The following SLC2A2 variants were observed in gnomAD, a reference collection of about 807,000 sequenced individuals.
SLC2A2 encodes solute carrier family 2 member 2.
SLC2A2 carries 36 observed loss-of-function variants against 54.5 expected under a neutral mutation model. That is an observed-to-expected ratio of 0.66 (90% CI 0.51 to 0.87). The LOEUF (loss-of-function observed/expected upper bound fraction) is 0.87. SLC2A2 is among the 40% of genes least tolerant of loss of function. SLC2A2 has a pLI of 0.00. For synonymous variants in SLC2A2, 223 were observed against 219.1 expected (o/e 1.02, Z -0.16); for missense variants, 543 against 624.3 (o/e 0.87, Z 1.39).
At chr3:171,026,510 A>C (rs936509179) in intron 1 of SLC2A2, 146 bp downstream of exon 1, 2 of 755,618 alleles carry the variant, frequency 2.6e-6, no homozygotes, top group African/African-American at 3.4e-5. Flanking sequence ...AATAAGAAAC[A>C]GTTCTTCAAT....
rs373320655 is a variant in SLC2A2, at chr3:171,022,223, G to A, written c.16-3600C>T. Among the ~76,000 whole-genome samples, 219 of 152,226 alleles carry A rather than the reference G, an allele frequency of 1.4e-3. 1 individual carries two copies. The highest frequency in any genetic ancestry group is 5.2e-3 in the African/African-American group (215 of 41,538). ...ACAATGACTTGGTTCCAGATCTTAC[G>A]CTTTTAACTTCTTGGTTATTTTGCA... On this transcript the variant is annotated intron_variant, in intron 1 of 10. Transcript: ENST00000314251.
At chr3:171,001,959 G>A (rs1246829117) in intron 8 of SLC2A2, among the ~76,000 whole-genome samples, 1 of 151,276 alleles carries the variant, frequency 6.6e-6, no homozygotes, top group Non-Finnish European at 1.5e-5. Flanking sequence ...AACATTTCTA[G>A]TTACTATGTC....
At position 171,000,085 on chromosome 3, in the gene SLC2A2, C is replaced by A. The variant is rs376642567; in HGVS notation, c.1069-919G>T. Among the ~76,000 whole-genome samples, 10 of 152,132 alleles carry A rather than the reference C, an allele frequency of 6.6e-5. No individual in the cohort carries two copies. In the South Asian group the frequency reaches 2.1e-3, roughly 32 times the overall value. On this transcript the variant is annotated intron_variant, in intron 8 of 10. Coordinates refer to ENST00000314251, the MANE Select transcript of SLC2A2 (RefSeq NM_000340.2). ...CATCAGCCTATCAGTAAATCAATAG[C>A]AATCCAATGTCTTTAGTATAGTGAG... is the stretch of plus-strand genomic sequence containing the variant.
In SLC2A2 at chr3:170,999,079, C is replaced by T. The variant is rs757805176; in HGVS notation, c.1156G>A (p.Gly386Arg). ...ACCAAACTTACCAGCAGCACAAGTC[C>T]CACTGACATGAAGATGGCACAAACA... ...MFVCAIFMSVGLVLLNKFSWM... is the reference protein window; with the variant it reads ...MFVCAIFMSVRLVLLNKFSWM... The change falls in exon 9 of 11, where the codon GGA (glycine) becomes AGA (arginine). Residue 386 changes from glycine to arginine, a missense_variant. By Grantham distance (125) the Gly-to-Arg change is moderately radical. This residue lies in a region of SLC2A2 where 117 missense variants were observed against 179.2 expected (regional missense o/e 0.65). Transcript: ENST00000314251. The T allele has an allele frequency of 6.2e-7, 1 of 1,611,566 alleles. No homozygotes were observed.
At chr3:171,024,246 T>A (rs1360853750) in intron 1 of SLC2A2, among the ~76,000 whole-genome samples, 1 of 152,232 alleles carries the variant, frequency 6.6e-6, no homozygotes, top group East Asian at 1.9e-4. Context: ...TAATCATGTC[T>A]TTATCATCTC....
At chr3:171,005,229 C>G in intron 7 of SLC2A2, 56 bp downstream of exon 7, 1 of 1,457,232 alleles carries the variant, frequency 6.9e-7, no homozygotes, top group East Asian at 2.3e-5. Flanking sequence ...TACCCCTTGC[C>G]TTCCCTATTT....
At chr3:171,005,540 A>T (rs1560035009) in intron 6 of SLC2A2, 68 bp from the exon 7 acceptor site, 6 of 1,273,532 alleles carry the variant, frequency 4.7e-6, no homozygotes, top group Non-Finnish European at 6.8e-6. Context: ...TTTTATGTTA[A>T]TGAAAGAGCT....
In SLC2A2 at chr3:171,007,216, T is replaced by C; in HGVS notation, c.544A>G (p.Thr182Ala). 6.2e-7 allele frequency: 1 copy of C among 1,612,780 alleles called. No individual in the cohort carries two copies. The highest frequency in any genetic ancestry group is 8.5e-7 in the Non-Finnish European group (1 of 1,179,152). ...GTGCCAAGTGCTCCCCTGAGAGCGG[T>C]TGGAGCAATTTCACCGATATACATA... ...VPMYIGEIAP[T>A]ALRGALGTFH... The change falls in exon 5 of 11, where the codon ACC (threonine) becomes GCC (alanine). Residue 182 changes from threonine (T) to alanine (A), a missense_variant. Thr to Ala is a moderately conservative substitution (Grantham distance 58, BLOSUM62 0). Transcript: ENST00000314251.
intron 1 of SLC2A2, among the ~76,000 whole-genome samples, chr3:171,019,105 A>ATGTGTGTG (rs1346634510): frequency 7.7e-5 from 1 of 12,988 alleles, no homozygotes; most frequent in African/African-American, 2.7e-4. Flanking sequence ...GTGTATATAT[A>ATGTGTGTG]TATATATATA....
chr3:171,010,205 C>A, intron 3 of SLC2A2, 123 bp from the exon 4 acceptor site: 2 of 1,024,456 alleles, frequency 2.0e-6, no homozygotes, highest in Middle Eastern at 2.7e-4. Context: ...GCTGTAAAAG[C>A]TAGTTGGGGA....
intron 2 of SLC2A2, among the ~76,000 whole-genome samples, chr3:171,015,366 G>C (rs879777404): frequency 6.6e-6 from 1 of 152,082 alleles, no homozygotes; most frequent in African/African-American, 2.4e-5. Context: ...GCTACTTGGA[G>C]GGGGCTGAAG....
chr3:171,026,369 T>TC (rs568575472), intron 1 of SLC2A2, among the ~76,000 whole-genome samples: 8 of 58,926 alleles, frequency 1.4e-4, no homozygotes, highest in Admixed American at 8.2e-4. Context: ...ATCTGCCCCC[T>TC]TTTTTTTTTT....
Position 171,018,630 on chromosome 3 carries a change from G to T in SLC2A2, c.16-7C>A. The T allele has an allele frequency of 6.2e-7, 1 of 1,604,754 alleles. No homozygotes were observed. On this transcript the variant is annotated splice_polypyrimidine_tract_variant and splice_region_variant and intron_variant, in intron 1 of 10. Transcript: ENST00000314251. ...AAACCAGGGTCCCAGTGACCTGCAG[G>T]GGGCGAGACACAGGGCAGGGAAACA...
chr3:171,024,984 C>T (rs1212563766), intron 1 of SLC2A2, among the ~76,000 whole-genome samples: 2 of 152,174 alleles, frequency 1.3e-5, no homozygotes, highest in Non-Finnish European at 2.9e-5. Context: ...TGAACATCTG[C>T]GATGTGCCAG....
Position 170,999,059 on chromosome 3 carries a change from A to C in SLC2A2, c.1170+6T>G. On this transcript the variant is annotated splice_donor_region_variant and intron_variant, in intron 9 of 10. Coordinates refer to ENST00000314251, the MANE Select transcript of SLC2A2 (RefSeq NM_000340.2). ...TGAAAAACCTCAGTGCAGGCACCAA[A>C]CTTACCAGCAGCACAAGTCCCACTG... 1 of 1,597,258 alleles carries C rather than the reference A, an allele frequency of 6.3e-7. No homozygotes were observed. Among genetic ancestry groups the C allele is most frequent in the Admixed American group, 1.7e-5 (1 of 59,902 alleles).
At chr3:171,012,166 TAATA>T (rs1486873976) in intron 3 of SLC2A2, among the ~76,000 whole-genome samples, 1 of 152,306 alleles carries the variant, frequency 6.6e-6, no homozygotes, top group African/African-American at 2.4e-5. Flanking sequence ...GGTGTTTGCT[TAATA>T]AATGTCAGGC....
intron 4 of SLC2A2, among the ~76,000 whole-genome samples, chr3:171,009,620 T>C (rs1715779685): frequency 6.6e-6 from 1 of 152,074 alleles, no homozygotes; most frequent in South Asian, 2.1e-4. Flanking sequence ...GTTTTACATA[T>C]GTTCTCACAA....
intron 2 of SLC2A2, among the ~76,000 whole-genome samples, chr3:171,016,917 A>G (rs1716181421): frequency 1.4e-5 from 2 of 146,288 alleles, no homozygotes; most frequent in Admixed American, 1.4e-4. Context: ...GCAATGTGCG[A>G]TTGCAGCTCA....
chr3:171,019,894 G>A (rs974918883), intron 1 of SLC2A2, among the ~76,000 whole-genome samples: 2 of 152,270 alleles, frequency 1.3e-5, no homozygotes, highest in Middle Eastern at 3.4e-3. Context: ...TCCTTGAGGA[G>A]GAATGTGAGG....
Sources: allele counts gnomAD v4.1 joint callset (sites outside exome capture counted in the v4.1 genomes callset), GRCh38; gene constraint gnomAD v4.1.1; regional missense constraint gnomAD v4.1.1; transcripts MANE v1.5; gene names NCBI Gene and HGNC (gene_info 2026-07-23, HGNC 2026-07-21).